The following SLIT1 variants were observed in gnomAD, a reference collection of about 807,000 sequenced individuals.
SLIT1 encodes the protein slit guidance ligand 1.
Under a neutral mutation model 186.1 loss-of-function variants are expected in SLIT1, and 66 were observed. That is an observed-to-expected ratio of 0.35 (90% confidence interval 0.29 to 0.44). The LOEUF is 0.44. Among genes scored for constraint, SLIT1 ranks in the 20% least tolerant of loss-of-function variants. SLIT1 has a pLI of 1.00. For synonymous variants in SLIT1, 761 were observed against 833.8 expected (o/e 0.91, Z 1.50); for missense variants, 1,638 against 2,037.4 (o/e 0.80, Z 3.77).
rs542184119 is a variant in SLIT1, at chr10:97,129,367, C to G, written c.413+28451G>C. The stretch of plus-strand genomic sequence containing the variant: ...CAGTGAGCTGAGGTCATGCCACTGA[C>G]AGCAGGACTGTGTCTCAAAAAAAAA... On this transcript the variant is annotated intron_variant, in intron 4 of 36. Transcript: ENST00000266058. Among the ~76,000 whole-genome samples, 4 of 139,538 alleles carry G rather than the reference C, an allele frequency of 2.9e-5. No individual in the cohort carries two copies. In the South Asian group the frequency reaches 9.5e-4, roughly 33 times the overall value. The allele number at this position is 139,538 out of a possible 152,430, so 91.5% of individuals were successfully genotyped here.
At chr10:97,148,895 C>T (rs976415939) in intron 4 of SLIT1, among the ~76,000 whole-genome samples, 1 of 152,222 alleles carries the variant, frequency 6.6e-6, no homozygotes, top group African/African-American at 2.4e-5. Flanking sequence ...AGAATCTTCC[C>T]AATGGTTACG....
At chr10:97,129,260 G>T (rs1264190833) in intron 4 of SLIT1, among the ~76,000 whole-genome samples, 1 of 151,970 alleles carries the variant, frequency 6.6e-6, no homozygotes, top group Admixed American at 6.6e-5. Flanking sequence ...AAATTAGTCG[G>T]GTGTGGTGAT....
chr10:97,113,903 G>C (rs535688476), intron 4 of SLIT1, among the ~76,000 whole-genome samples: 5 of 152,144 alleles, frequency 3.3e-5, no homozygotes, highest in Non-Finnish European at 5.9e-5. Context: ...GGCCTGACCT[G>C]GTATAAAGAC....
At chr10:97,108,679 G>T (rs892237383) in intron 4 of SLIT1, among the ~76,000 whole-genome samples, 1 of 152,052 alleles carries the variant, frequency 6.6e-6, no homozygotes, top group Non-Finnish European at 1.5e-5. Context: ...CACAAGGTCA[G>T]CAGATCAAGA....
At chr10:97,032,461 C>T (rs1360188693) in intron 23 of SLIT1, among the ~76,000 whole-genome samples, 2 of 151,560 alleles carry the variant, frequency 1.3e-5, no homozygotes, top group African/African-American at 2.4e-5. Context: ...CCCAGCTACT[C>T]GAGAGGCTGA....
intron 1 of SLIT1, among the ~76,000 whole-genome samples, chr10:97,183,125 C>T (rs987145047): frequency 6.6e-5 from 10 of 152,140 alleles, no homozygotes; most frequent in African/African-American, 2.4e-4. Context: ...GTGGCCCATC[C>T]TCTGAGAAAC....
At chr10:97,111,511 A>T (rs145328601) in intron 4 of SLIT1, among the ~76,000 whole-genome samples, 131 of 152,292 alleles carry the variant, frequency 8.6e-4, no homozygotes, top group South Asian at 6.0e-3. Context: ...CCGCGGAGAA[A>T]CCAAACATAC....
intron 25 of SLIT1, among the ~76,000 whole-genome samples, chr10:97,025,136 GA>G (rs995511180): frequency 6.6e-6 from 1 of 152,158 alleles, no homozygotes. Context: ...TGGGCATGGT[GA>G]CAGGCGCCTG....
At chr10:97,171,602 C>T (rs1159302299) in intron 1 of SLIT1, among the ~76,000 whole-genome samples, 1 of 152,120 alleles carries the variant, frequency 6.6e-6, no homozygotes, top group Non-Finnish European at 1.5e-5. Flanking sequence ...AGTGGATCAC[C>T]TGAGGTCAGG....
At position 96,998,842 on chromosome 10, in the gene SLIT1, C is replaced by T. The variant is rs1423539020; in HGVS notation, c.*2270G>A. The T allele has an allele frequency of 6.6e-6, 1 of 152,334 alleles. No homozygotes were observed. The highest frequency in any genetic ancestry group is 1.5e-5 in the Non-Finnish European group (1 of 68,138). 9.4% of individuals were successfully genotyped at this position (152,334 alleles called of 1,614,324 possible). On this transcript the variant is annotated 3_prime_UTR_variant, in exon 37 of 37. Transcript: ENST00000266058. ...CATGCCAGCCGCTCACCTCCCAGCCCCATGGCGCCAGGTGAGGGGTGAGCA... is the reference window on the plus strand; with the variant it reads ...CATGCCAGCCGCTCACCTCCCAGCCTCATGGCGCCAGGTGAGGGGTGAGCA...
intron 21 of SLIT1, among the ~76,000 whole-genome samples, chr10:97,039,447 A>G (rs988408629): frequency 1.3e-5 from 2 of 152,248 alleles, no homozygotes; most frequent in African/African-American, 4.8e-5. Context: ...CAAAGGAAAC[A>G]GATTTTCTTG....
rs1564686456 is a variant in SLIT1 at position 97,141,705 on chromosome 10, TTGTATTGTA to T, written c.413+16104_413+16112del. On this transcript the variant is annotated intron_variant, in intron 4 of 36. Coordinates refer to ENST00000266058, the MANE Select transcript of SLIT1 (RefSeq NM_003061.3). Reference sequence around the variant, plus strand: ...TTGTATCGTATCGTATCGTATCGTATTGTATTGTACTGTATTGTATTGTACTGTATTGTA... The same window carrying T: ...TTGTATCGTATCGTATCGTATCGTATCTGTATTGTATTGTACTGTATTGTA... Among the ~76,000 whole-genome samples the T allele has an allele frequency of 2.7e-3, 262 of 98,692 alleles. 2 individuals are homozygous for T. The highest frequency in any genetic ancestry group is 0.014 in the African/African-American group (247 of 17,376). 64.7% of individuals were successfully genotyped at this position (98,692 alleles called of 152,430 possible).
intron 4 of SLIT1, among the ~76,000 whole-genome samples, chr10:97,122,237 G>A (rs1410096704): frequency 6.6e-6 from 1 of 152,206 alleles, no homozygotes; most frequent in Non-Finnish European, 1.5e-5. Context: ...CTCCATTGTA[G>A]GCAACTGAAA....
In SLIT1 at chr10:97,040,094, G is replaced by A. The variant is rs372733842; in HGVS notation, c.2191C>T (p.Arg731Cys). Residue 731 changes from arginine to cysteine, a missense_variant, in exon 21 of 37, where the codon CGC (arginine) becomes TGC (cysteine). This residue lies in a region of SLIT1 where 1,245 missense variants were observed against 1,535.3 expected (regional missense o/e 0.81). Coordinates refer to ENST00000266058, the MANE Select transcript of SLIT1 (RefSeq NM_003061.3). ...EGQEEGGCLP[R>C]PQCPQECACL... ...GCGCACTCCTGTGGGCACTGTGGGC[G>A]GGGCAGGCAGCCCCCCTCCTCCTGG... 3.1e-5 allele frequency: 50 copies of A among 1,589,006 alleles called. No homozygotes were observed. Among genetic ancestry groups the A allele is most frequent in the Admixed American group, 8.8e-5 (5 of 56,950 alleles).
chr10:97,000,739 G>A lies in SLIT1; in HGVS notation c.*373C>T, dbSNP rs549743436. 9.7e-6 allele frequency: 2 copies of A among 206,888 alleles called. No homozygotes were observed. The highest frequency in any genetic ancestry group is 2.6e-4 in the East Asian group (2 of 7,734). 12.8% of individuals were successfully genotyped at this position (206,888 alleles called of 1,614,324 possible). A position where few individuals can be genotyped will look rare whatever the true frequency, so the allele number is the denominator to read the frequency against. On this transcript the variant is annotated 3_prime_UTR_variant, in exon 37 of 37. Transcript: ENST00000266058. ...CCTGGGCCACAGGCCAAAGGGAAGGGTTGGTTTGGAAGGCTGTCATTTTTC... is the reference window on the plus strand; with the variant it reads ...CCTGGGCCACAGGCCAAAGGGAAGGATTGGTTTGGAAGGCTGTCATTTTTC...
chr10:97,013,622 T>G, intron 30 of SLIT1, 119 bp downstream of exon 30: 2 of 747,996 alleles, frequency 2.7e-6, no homozygotes, highest in Non-Finnish European at 4.6e-6. Context: ...CCTGTAGAGC[T>G]GAGACCAAAC....
At chr10:97,104,511 C>A (rs1315986752) in intron 4 of SLIT1, among the ~76,000 whole-genome samples, 1 of 152,042 alleles carries the variant, frequency 6.6e-6, no homozygotes, top group African/African-American at 2.4e-5. Context: ...AGTTTCTATC[C>A]GGTCACTCCA....
Position 97,163,421 on chromosome 10 carries a change from C to T in SLIT1, c.300G>A (p.Val100=), listed in dbSNP as rs1850059272. 6.2e-7 allele frequency: 1 copy of T among 1,614,208 alleles called. No homozygotes were observed. The highest frequency in any genetic ancestry group is 1.3e-5 in the African/African-American group (1 of 75,058). ...LQLMENQIGA[V]ERGAFDDMKE... ...TCATGTCATCAAAAGCACCACGTTC[C>T]ACTGCTCCAATCTGGTTCTCCATCA... The change falls in exon 3 of 37, where the codon GTG becomes GTA. Residue 100 remains valine (V), a synonymous_variant. Transcript: ENST00000266058.
At position 97,043,600 on chromosome 10, in the gene SLIT1, C is replaced by G. The variant is rs1032543048; in HGVS notation, c.1854-87G>C. 1 of 1,278,332 alleles carries G rather than the reference C, an allele frequency of 7.8e-7. No individual in the cohort carries two copies. The highest frequency in any genetic ancestry group is 1.4e-5 in the African/African-American group (1 of 68,988). The allele number at this position is 1,278,332 out of a possible 1,614,324, so 79.2% of individuals were successfully genotyped here. On this transcript the variant is annotated intron_variant, in intron 18 of 36. Transcript: ENST00000266058. This position sits in a 1 kb window ranked among gnomAD's most constrained non-coding sequence, Gnocchi z 7.0. ...CCACGCAGCTTCCGCCATCGTGGCT[C>G]GTTCACAGTTCTCCTCCATAGGCTG...
Sources: gnomAD v4.1 joint callset for allele counts (sites outside exome capture counted in the v4.1 genomes callset) on GRCh38, gnomAD v4.1.1 for gene constraint, gnomAD v4.1.1 regional missense constraint, Gnocchi (gnomAD v3.1) non-coding constraint, MANE v1.5 for transcripts, NCBI Gene and HGNC (gene_info 2026-07-23, HGNC 2026-07-21) for gene names.